The following COG7 variants were observed in gnomAD, a reference collection of about 807,000 sequenced individuals.
COG7 encodes the protein conserved oligomeric Golgi complex subunit 7.
Under a neutral mutation model 91.5 loss-of-function variants are expected in COG7, and 49 were observed. That is an observed-to-expected ratio of 0.54 (90% CI 0.43 to 0.68). The LOEUF (loss-of-function observed/expected upper bound fraction) is 0.68, where lower values mean the gene tolerates loss of function less well. COG7 is among the 30% of genes least tolerant of loss of function. COG7 has a pLI of 0.00. For missense variants in COG7, 895 were observed against 961.3 expected (o/e 0.93, Z 0.91); for synonymous variants, 365 against 388.7 (o/e 0.94, Z 0.72).
chr16:23,397,922 A>G, intron 14 of COG7, 124 bp downstream of exon 14: 5 of 822,324 alleles, frequency 6.1e-6, no homozygotes, highest in Non-Finnish European at 1.0e-5. Context: ...ACTACCCCAA[A>G]GCACAGGCTA....
rs536243839 is a variant in COG7 at position 23,392,647 on chromosome 16, G to A, written c.2003-124C>T. On this transcript the variant is annotated intron_variant, in intron 15 of 16. Transcript: ENST00000307149. ...GGAAACCGAAAACAGTTACATCTTA[G>A]GGCCAGGTGCAGTGGCTCATGCCTG... 6.1e-6 allele frequency: 7 copies of A among 1,151,510 alleles called. No individual in the cohort carries two copies. In the African/African-American group the frequency reaches 9.0e-5, roughly 15 times the overall value. The allele number at this position is 1,151,510 out of a possible 1,614,324, so 71.3% of individuals were successfully genotyped here. A position where few individuals can be genotyped will look rare whatever the true frequency, so the allele number is the denominator to read the frequency against.
intron 14 of COG7, 98 bp downstream of exon 14, chr16:23,397,948 T>G: frequency 9.5e-7 from 1 of 1,049,054 alleles, no homozygotes. Context: ...AAGGGTCAGA[T>G]AGCACCCATG....
chr16:23,417,093 T>C lies in COG7; in HGVS notation c.1166A>G (p.Gln389Arg), dbSNP rs1049389218. Reference sequence around the variant, plus strand: ...CTTGTTCACGGAGTGGCTCAGCTCCTGCACACAGTCAATCACTTCCCCATG... The same window carrying C: ...CTTGTTCACGGAGTGGCTCAGCTCCCGCACACAGTCAATCACTTCCCCATG... ...LEHGEVIDCV[Q>R]ELSHSVNKLF... Residue 389 changes from glutamine to arginine, a missense_variant, in exon 9 of 17, where the codon CAG becomes CGG. By Grantham distance (43) the Gln-to-Arg change is conservative (BLOSUM62 1). Coordinates refer to ENST00000307149, the MANE Select transcript of COG7 (RefSeq NM_153603.4). 1 of 1,614,120 alleles carries C rather than the reference T, an allele frequency of 6.2e-7. No individual in the cohort carries two copies. Among genetic ancestry groups the C allele is most frequent in the African/African-American group, 1.3e-5 (1 of 74,944 alleles).
Position 23,434,716 on chromosome 16 carries a change from G to A in COG7, c.607C>T (p.Gln203Ter). The A allele has an allele frequency of 6.2e-7, 1 of 1,607,708 alleles. No homozygotes were observed. The highest frequency in any genetic ancestry group is 8.5e-7 in the Non-Finnish European group (1 of 1,174,266). Residue 203 changes from glutamine (Q) to a stop codon, truncating the protein, a stop_gained and splice_region_variant, in exon 5 of 17, where the codon CAG becomes TAG. Coordinates refer to ENST00000307149, the MANE Select transcript of COG7 (RefSeq NM_153603.4). LOFTEE classifies it high-confidence loss of function. ...AACACCTTCACAAACACTTTGGACT[G>A]ATCTAAAGAACATACAATGTATATA... ...VAAFTSQAVD[Q>*]SKVFVKVFTE...
chr16:23,424,632 G>A (rs773466153), intron 7 of COG7, 117 bp downstream of exon 7: 29 of 1,065,666 alleles, frequency 2.7e-5, no homozygotes, highest in Non-Finnish European at 3.6e-5. Flanking sequence ...GGAAAACACC[G>A]ATCCCTTCCA....
At chr16:23,447,795 G>A (rs531661840) in intron 1 of COG7, among the ~76,000 whole-genome samples, 2 of 152,038 alleles carry the variant, frequency 1.3e-5, no homozygotes, top group African/African-American at 4.8e-5. Context: ...AGCTACTCGG[G>A]AGGCTGAGGC....
chr16:23,428,268 G>A (rs1963879986), intron 6 of COG7, among the ~76,000 whole-genome samples: 1 of 152,038 alleles, frequency 6.6e-6, no homozygotes, highest in Middle Eastern at 3.2e-3. Context: ...AGAATTGCTT[G>A]AACCCAGGAG....
At chr16:23,411,827 CTT>C (rs920875438) in intron 10 of COG7, among the ~76,000 whole-genome samples, 7 of 151,260 alleles carry the variant, frequency 4.6e-5, no homozygotes, top group African/African-American at 1.7e-4. Context: ...CCATTTCTCT[CTT>C]GGGAAAATAT....
Position 23,434,710 on chromosome 16 carries a change from T to G in COG7, c.613A>C (p.Lys205Gln), listed in dbSNP as rs768100525. ...AFTSQAVDQS[K>Q]VFVKVFTEID... ...TCAGTAAACACCTTCACAAACACTTTGGACTGATCTAAAGAACATACAATG... is the reference window on the plus strand; with the variant it reads ...TCAGTAAACACCTTCACAAACACTTGGGACTGATCTAAAGAACATACAATG... The change falls in exon 5 of 17, where the codon AAA becomes CAA. Residue 205 changes from lysine to glutamine, a missense_variant. Transcript: ENST00000307149. 1 of 1,611,202 alleles carries G rather than the reference T, an allele frequency of 6.2e-7. No homozygotes were observed. Among genetic ancestry groups the G allele is most frequent in the Non-Finnish European group, 8.5e-7 (1 of 1,177,322 alleles).
rs1430956782 is a variant in COG7, at chr16:23,401,645, G to A, written c.1803+2049C>T. 2.6e-5 allele frequency among the ~76,000 whole-genome samples: 4 copies of A among 152,152 alleles called. No individual in the cohort carries two copies. In the East Asian group the frequency reaches 7.7e-4, roughly 29 times the overall value. Reference sequence around the variant, plus strand: ...GGATCATATGTATCAGTATCTGTCTGCAATGGAAACAGGATTAACAAAAAG... The same window carrying A: ...GGATCATATGTATCAGTATCTGTCTACAATGGAAACAGGATTAACAAAAAG... On this transcript the variant is annotated intron_variant, in intron 13 of 16. Coordinates refer to ENST00000307149, the MANE Select transcript of COG7 (RefSeq NM_153603.4).
chr16:23,413,550 A>C lies in COG7; in HGVS notation c.1307T>G (p.Phe436Cys), dbSNP rs367733325. The C allele has an allele frequency of 1.7e-5, 27 of 1,595,946 alleles. No individual in the cohort carries two copies. The highest frequency in any genetic ancestry group is 2.1e-5 in the Non-Finnish European group (24 of 1,163,652). The change falls in exon 10 of 17, where the codon TTC (phenylalanine) becomes TGC (cysteine). Residue 436 changes from phenylalanine (F) to cysteine (C), a missense_variant. Physicochemically the swap from Phe to Cys is radical, Grantham distance 205. Coordinates refer to ENST00000307149, the MANE Select transcript of COG7 (RefSeq NM_153603.4). ...KSLFAKYVSD[F>C]TSTLQSIRKK... ...TCGTATGGACTGGAGAGTGCTGGTG[A>C]AATCAGACACATACCTGCCGGGAAA...
intron 10 of COG7, among the ~76,000 whole-genome samples, 166 bp from the exon 11 acceptor site, chr16:23,410,526 T>C (rs1429570090): frequency 2.6e-5 from 4 of 152,136 alleles, no homozygotes; most frequent in African/African-American, 9.7e-5. Context: ...CATTCATTAG[T>C]CATTAATGTA....
chr16:23,427,291 G>A (rs1023038631), intron 6 of COG7, among the ~76,000 whole-genome samples: 4 of 151,844 alleles, frequency 2.6e-5, no homozygotes, highest in African/African-American at 4.8e-5. Flanking sequence ...CAGGCTAGGC[G>A]CGGCGGCTCA....
chr16:23,418,654 G>C, intron 8 of COG7, 46 bp downstream of exon 8: 1 of 1,606,438 alleles, frequency 6.2e-7, no homozygotes, highest in Non-Finnish European at 8.5e-7. Context: ...CAAGACCCTG[G>C]CTAACAGAAT....
rs368733148 is a variant in COG7 at position 23,388,963 on chromosome 16, C to A, written c.2270G>T (p.Arg757Leu). 1.2e-5 allele frequency: 20 copies of A among 1,613,814 alleles called. No homozygotes were observed. Among genetic ancestry groups the A allele is most frequent in the Non-Finnish European group, 1.5e-5 (18 of 1,179,970 alleles). The change falls in exon 17 of 17, where the codon CGC (arginine) becomes CTC (leucine). Residue 757 changes from arginine (R) to leucine (L), a missense_variant. Physicochemically the swap from Arg to Leu is moderately radical, Grantham distance 102. Transcript: ENST00000307149. ...YRQVSKGLPR[R>L]LATTVATMRS... is the part of the protein sequence containing the mutation. ...CATGGTGGCCACGGTGGTGGCCAGG[C>A]GACGGGGCAGGCCTTTGCTGACCTG...
chr16:23,399,203 T>C (rs893304829), intron 13 of COG7, among the ~76,000 whole-genome samples: 6 of 152,154 alleles, frequency 3.9e-5, no homozygotes, highest in Non-Finnish European at 5.9e-5. Flanking sequence ...CTCCCCGTGC[T>C]CTCTAGCGCC....
At chr16:23,393,524 T>C in intron 14 of COG7, 177 bp from the exon 15 acceptor site, 2 of 619,990 alleles carry the variant, frequency 3.2e-6, no homozygotes, top group Admixed American at 5.1e-5. Context: ...TAAAAAAGAA[T>C]CACTGGTAGC....
intron 9 of COG7, 30 bp downstream of exon 9, chr16:23,416,937 C>A (rs1282054834): frequency 6.2e-7 from 1 of 1,613,842 alleles, no homozygotes; most frequent in Admixed American, 1.7e-5. Context: ...TCCAATGTGG[C>A]CCGTCTGGTC....
At position 23,433,651 on chromosome 16, in the gene COG7, GCTGCTAAA is replaced by G. The variant is rs756609673; in HGVS notation, c.696_703del (p.Ala235ArgfsTer6). On this transcript the variant is annotated frameshift_variant, in exon 6 of 17. Coordinates refer to ENST00000307149, the MANE Select transcript of COG7 (RefSeq NM_153603.4). LOFTEE classifies it high-confidence loss of function. The stretch of plus-strand genomic sequence containing the variant: ...GTCACTTTGACACAGCTCTTGCCAG[GCTGCTAAA>G]AGCTGCACCTGCAGAGACAGAACAA... 4 of 1,613,988 alleles carry G rather than the reference GCTGCTAAA, an allele frequency of 2.5e-6. No individual in the cohort carries two copies. The highest frequency in any genetic ancestry group is 3.4e-6 in the Non-Finnish European group (4 of 1,179,988).
Sources: allele counts gnomAD v4.1 joint callset (sites outside exome capture counted in the v4.1 genomes callset), GRCh38; gene constraint gnomAD v4.1.1; transcripts MANE v1.5; gene names NCBI Gene and HGNC (gene_info 2026-07-23, HGNC 2026-07-21).